The following AAK1 variants were observed in gnomAD, a reference collection of about 807,000 sequenced individuals.
The protein encoded by AAK1 is AP2 associated kinase 1.
Under a neutral mutation model 116.0 loss-of-function variants are expected in AAK1, and 37 were observed. That is an observed-to-expected ratio of 0.32 (90% CI 0.25 to 0.42). The LOEUF is 0.42. AAK1 is among the 10% of genes least tolerant of loss of function. AAK1 has a pLI of 1.00. For missense variants in AAK1, 919 were observed against 1,170.6 expected (o/e 0.79, Z 3.14); for synonymous variants, 458 against 439.9 (o/e 1.04, Z -0.51).
intron 3 of AAK1, among the ~76,000 whole-genome samples, chr2:69,555,006 A>G (rs1456779043): frequency 6.6e-6 from 1 of 152,200 alleles, no homozygotes; most frequent in African/African-American, 2.4e-5. Context: ...GTTTTTAAAT[A>G]AGGAGGAGAA....
intron 2 of AAK1, among the ~76,000 whole-genome samples, chr2:69,642,659 T>C (rs914790556): frequency 6.6e-6 from 1 of 152,082 alleles, no homozygotes; most frequent in African/African-American, 2.4e-5. Flanking sequence ...AAAAGGCCAC[T>C]AACGTAAACA....
Position 69,474,383 on chromosome 2 carries a change from A to C in AAK1, c.*1486T>G, listed in dbSNP as rs1674778136. 1.0e-6 allele frequency: 1 copy of C among 985,760 alleles called. No homozygotes were observed. The allele number at this position is 985,760 out of a possible 1,614,324, so 61.1% of individuals were successfully genotyped here. A position where few individuals can be genotyped will look rare whatever the true frequency, so the allele number is the denominator to read the frequency against. Reference sequence around the variant, plus strand: ...CACTTCTTTTCAAAAGGGTGATTTTATAAAAGTGCTTTCCACATAAGGAAA... The same window carrying C: ...CACTTCTTTTCAAAAGGGTGATTTTCTAAAAGTGCTTTCCACATAAGGAAA... On this transcript the variant is annotated 3_prime_UTR_variant, in exon 22 of 22. Coordinates refer to ENST00000409085, the MANE Select transcript of AAK1 (RefSeq NM_014911.5).
intron 2 of AAK1, among the ~76,000 whole-genome samples, chr2:69,626,552 T>C (rs1674909124): frequency 6.6e-6 from 1 of 151,460 alleles, no homozygotes; most frequent in Admixed American, 6.6e-5. Flanking sequence ...CAGCCTGGAG[T>C]GAGGTGGCGC....
At chr2:69,513,853 C>T (rs964770430) in intron 13 of AAK1, among the ~76,000 whole-genome samples, 7 of 152,078 alleles carry the variant, frequency 4.6e-5, no homozygotes, top group South Asian at 2.1e-4. Context: ...GACAATCAGA[C>T]GAGGGGTTCT....
In AAK1 at chr2:69,508,448, T is replaced by C. The variant is rs566468660; in HGVS notation, c.2006+783A>G. Among the ~76,000 whole-genome samples the C allele has an allele frequency of 2.6e-4, 40 of 152,332 alleles. No homozygotes were observed. The South Asian group carries it at 8.3e-3, about 32-fold the overall frequency. ...AGATTTTAACTTTAGAGTGTATGGT[T>C]CTAAGACAGTTAAGGGTCTGAAACT... On this transcript the variant is annotated intron_variant, in intron 14 of 21. Transcript: ENST00000409085.
chr2:69,632,456 C>T (rs1429969751), intron 2 of AAK1, among the ~76,000 whole-genome samples: 1 of 152,196 alleles, frequency 6.6e-6, no homozygotes, highest in East Asian at 1.9e-4. Flanking sequence ...CAAAGAGTTA[C>T]CCAGACCAAA....
chr2:69,496,063 C>T lies in AAK1; in HGVS notation c.2287G>A (p.Gly763Arg). 1 of 1,554,676 alleles carries T rather than the reference C, an allele frequency of 6.4e-7. No individual in the cohort carries two copies. The highest frequency in any genetic ancestry group is 8.7e-7 in the Non-Finnish European group (1 of 1,148,720). ...SAGTAEKRKGGQTVDSGLPLL... is the reference protein window; with the variant it reads ...SAGTAEKRKGRQTVDSGLPLL... The stretch of plus-strand genomic sequence containing the variant: ...GGGAGGCCAGAGTCCACAGTCTGCC[C>T]ACCCTTCCTTTTTTCAGCTGGAGTT... Residue 763 changes from glycine to arginine, a missense_variant, in exon 17 of 22, where the codon GGG becomes AGG. By Grantham distance (125) the Gly-to-Arg change is moderately radical. Transcript: ENST00000409085.
chr2:69,473,332 C>T lies in AAK1; in HGVS notation c.*2537G>A, dbSNP rs1377803959. On this transcript the variant is annotated 3_prime_UTR_variant, in exon 22 of 22. Transcript: ENST00000409085. ...CTTTGTAGCTCAGGCTATGATTCCACAGGTACCAGGACACTATGCTCAACT... is the reference window on the plus strand; with the variant it reads ...CTTTGTAGCTCAGGCTATGATTCCATAGGTACCAGGACACTATGCTCAACT... The T allele has an allele frequency of 1.0e-6, 1 of 985,412 alleles. No individual in the cohort carries two copies. Among genetic ancestry groups the T allele is most frequent in the Non-Finnish European group, 1.2e-6 (1 of 829,988 alleles). 61.0% of individuals were successfully genotyped at this position (985,412 alleles called of 1,614,324 possible).
chr2:69,609,109 C>A (rs575233096), intron 2 of AAK1, among the ~76,000 whole-genome samples: 40 of 152,344 alleles, frequency 2.6e-4, no homozygotes, highest in Admixed American at 4.6e-4. Context: ...TACCTGTAAT[C>A]CCAGCACTTT....
intron 12 of AAK1, among the ~76,000 whole-genome samples, chr2:69,517,470 T>C (rs1676630106): frequency 6.8e-6 from 1 of 146,960 alleles, no homozygotes; most frequent in Admixed American, 6.8e-5. Context: ...TTTTTCTTCC[T>C]TTTTTTAAAA....
At chr2:69,484,444 T>C (rs1469641843) in intron 17 of AAK1, among the ~76,000 whole-genome samples, 1 of 152,186 alleles carries the variant, frequency 6.6e-6, no homozygotes, top group Non-Finnish European at 1.5e-5. Flanking sequence ...TGCAGATAAC[T>C]TTGAATTAAA....
At chr2:69,632,125 A>G (rs1209112921) in intron 2 of AAK1, among the ~76,000 whole-genome samples, 3 of 152,244 alleles carry the variant, frequency 2.0e-5, no homozygotes, top group African/African-American at 7.2e-5. Context: ...TTCACAGCAA[A>G]TAAAAGGCTT....
Position 69,643,216 on chromosome 2 carries a change from G to T in AAK1, c.-176C>A, listed in dbSNP as rs539040094. 3.0e-5 allele frequency: 42 copies of T among 1,414,500 alleles called. No homozygotes were observed. The African/African-American group carries it at 5.9e-4, about 20-fold the overall frequency. 87.6% of individuals were successfully genotyped at this position (1,414,500 alleles called of 1,614,324 possible). On this transcript the variant is annotated 5_prime_UTR_variant, in exon 2 of 22. Coordinates refer to ENST00000409085, the MANE Select transcript of AAK1 (RefSeq NM_014911.5). ...AGGGAGGATGCCTATAGGAATATGC[G>T]TGTCAATCGCGCAGCGGGTCCCCTC...
intron 2 of AAK1, among the ~76,000 whole-genome samples, chr2:69,638,727 T>C (rs964023735): frequency 2.0e-5 from 3 of 152,246 alleles, no homozygotes; most frequent in African/African-American, 7.2e-5. Flanking sequence ...AACCCCCATC[T>C]GGAACATCTG....
At chr2:69,493,057 G>C (rs917367377) in intron 17 of AAK1, among the ~76,000 whole-genome samples, 3 of 150,680 alleles carry the variant, frequency 2.0e-5, no homozygotes, top group South Asian at 2.1e-4. Flanking sequence ...ATGCAGTAAG[G>C]CTGAGGCAGG....
chr2:69,514,325 T>C, intron 13 of AAK1, 146 bp downstream of exon 13: 1 of 1,081,448 alleles, frequency 9.2e-7, no homozygotes, highest in South Asian at 1.7e-5. Flanking sequence ...CTTGGATATA[T>C]CAAGGAAAGA....
intron 2 of AAK1, among the ~76,000 whole-genome samples, chr2:69,637,883 C>T (rs1401715937): frequency 1.3e-5 from 2 of 152,154 alleles, no homozygotes; most frequent in African/African-American, 2.4e-5. Context: ...TCAAAAGTCA[C>T]GTGAAACTGC....
intron 20 of AAK1, among the ~76,000 whole-genome samples, chr2:69,477,527 C>T (rs929875983): frequency 1.3e-5 from 2 of 150,518 alleles, no homozygotes; most frequent in African/African-American, 2.4e-5. Context: ...CCTCAGGGAA[C>T]GCTGAGGCAC....
intron 2 of AAK1, among the ~76,000 whole-genome samples, chr2:69,640,129 G>C (rs1484304758): frequency 6.8e-6 from 1 of 146,256 alleles, no homozygotes; most frequent in African/African-American, 2.6e-5. Flanking sequence ...GTAAGTAATG[G>C]CTACCATTTA....
Sources: gnomAD v4.1 joint callset for allele counts (sites outside exome capture counted in the v4.1 genomes callset) on GRCh38, gnomAD v4.1.1 for gene constraint, MANE v1.5 for transcripts, NCBI Gene and HGNC (gene_info 2026-07-23, HGNC 2026-07-21) for gene names.